The following HOXA3 variants were observed in gnomAD, a reference collection of about 807,000 sequenced individuals.
HOXA3 encodes the protein homeobox A3, also known as homeobox protein Hox-A3.
Under a neutral mutation model 30.3 loss-of-function variants are expected in HOXA3, and 8 were observed. The ratio of observed to expected loss-of-function variants is 0.26; its 90% confidence interval spans 0.15 to 0.48. HOXA3 has a LOEUF of 0.48. HOXA3 is among the 20% of genes least tolerant of loss of function. HOXA3 has a pLI of 0.99. For synonymous variants in HOXA3, 323 were observed against 273.1 expected (o/e 1.18, Z -1.80); for missense variants, 653 against 614.4 (o/e 1.06, Z -0.66).
chr7:27,152,344 C>A lies in HOXA3; in HGVS notation c.-550G>T, dbSNP rs760945917. On this transcript the variant is annotated 5_prime_UTR_variant, in exon 1 of 6. Coordinates refer to ENST00000612286, the MANE Select transcript of HOXA3 (RefSeq NM_153631.3). ...CCTCTGACAGCTGTCGCTTGGGCAG[C>A]CCGAGAGAAGAATTGTCCTCTTTCC... is the stretch of plus-strand genomic sequence containing the variant. 1 of 1,246,854 alleles carries A rather than the reference C, an allele frequency of 8.0e-7. No individual in the cohort carries two copies. Among genetic ancestry groups the A allele is most frequent in the Non-Finnish European group, 1.0e-6 (1 of 969,918 alleles). The allele number at this position is 1,246,854 out of a possible 1,614,324, so 77.2% of individuals were successfully genotyped here. A position where few individuals can be genotyped will look rare whatever the true frequency, so the allele number is the denominator to read the frequency against.
rs1331836651 is a variant in HOXA3 at position 27,126,952 on chromosome 7, G to A, written c.-271C>T. On this transcript the variant is annotated 5_prime_UTR_variant, in exon 3 of 6. Transcript: ENST00000612286. ...ACACTCAATTTCCACTGAGAGTCTAGGCATTTTTTTTTTTTAGCAGACAGC... is the reference window on the plus strand; with the variant it reads ...ACACTCAATTTCCACTGAGAGTCTAAGCATTTTTTTTTTTTAGCAGACAGC... 1 of 53,978 alleles carries A rather than the reference G, an allele frequency of 1.9e-5. No individual in the cohort carries two copies. Among genetic ancestry groups the A allele is most frequent in the Non-Finnish European group, 3.6e-5 (1 of 28,118 alleles). 3.3% of individuals were successfully genotyped at this position (53,978 alleles called of 1,614,324 possible). A position where few individuals can be genotyped will look rare whatever the true frequency, so the allele number is the denominator to read the frequency against.
In HOXA3 at chr7:27,108,215, C is replaced by T; in HGVS notation, c.1032G>A (p.Pro344=). Residue 344 remains proline, a synonymous_variant, in exon 6 of 6, where the codon CCG becomes CCA. Coordinates refer to ENST00000612286, the MANE Select transcript of HOXA3 (RefSeq NM_153631.3). This position sits in a 1 kb window ranked among gnomAD's most constrained non-coding sequence, Gnocchi z 5.0. Reference sequence around the variant, plus strand: ...CGTTGCCCTGCAGGCCATGAGCGTGCGGGTCATAGTCGGGGGTGCCCCCTG... The same window carrying T: ...CGTTGCCCTGCAGGCCATGAGCGTGTGGGTCATAGTCGGGGGTGCCCCCTG... ...AGAGGTPDYD[P]HAHGLQGNGS... The T allele has an allele frequency of 1.3e-6, 2 of 1,530,658 alleles. No homozygotes were observed. Among genetic ancestry groups the T allele is most frequent in the East Asian group, 2.3e-5 (1 of 43,966 alleles). 94.8% of individuals were successfully genotyped at this position (1,530,658 alleles called of 1,614,324 possible).
Position 27,110,730 on chromosome 7 carries a change from A to G in HOXA3, c.-90T>C. On this transcript the variant is annotated 5_prime_UTR_variant, in exon 5 of 6. Transcript: ENST00000612286. ...TGGCACGCCCCCGCGGTCACGTGAC[A>G]CTCCGCCGCCAATGGCCGCCCCGCG... is the stretch of plus-strand genomic sequence containing the variant. 1 of 1,566,206 alleles carries G rather than the reference A, an allele frequency of 6.4e-7. No individual in the cohort carries two copies. The highest frequency in any genetic ancestry group is 1.1e-5 in the South Asian group (1 of 88,396).
chr7:27,141,744 A>G, intron 1 of HOXA3: 3 of 1,491,604 alleles, frequency 2.0e-6, no homozygotes, highest in South Asian at 2.6e-5. Context: ...TTCTTCACAG[A>G]AGGAACACAA....
At chr7:27,141,920 A>G in intron 1 of HOXA3, 1 of 1,614,148 alleles carries the variant, frequency 6.2e-7, no homozygotes, top group Non-Finnish European at 8.5e-7. Flanking sequence ...CCGGTTTTGG[A>G]ACCAGATTTT....
chr7:27,147,370 C>T (rs1225676132), intron 1 of HOXA3: 1 of 1,614,216 alleles, frequency 6.2e-7, no homozygotes, highest in Non-Finnish European at 8.5e-7. Context: ...CCGGTCGGCG[C>T]CTTCGTCATG....
chr7:27,145,441 T>A (rs1562730630), intron 1 of HOXA3: 2 of 629,042 alleles, frequency 3.2e-6, no homozygotes, highest in South Asian at 4.1e-5. Context: ...ATTGGCTGTG[T>A]GTGAGGTTTT....
At chr7:27,122,313 C>T (rs1410960561) in intron 4 of HOXA3, 1 of 152,310 alleles carries the variant, frequency 6.6e-6, no homozygotes, top group East Asian at 1.9e-4. Flanking sequence ...CACAACCCAT[C>T]TTTGCCTTCT....
intron 1 of HOXA3, chr7:27,142,800 T>A (rs908327761): frequency 3.1e-5 from 14 of 452,710 alleles, no homozygotes; most frequent in African/African-American, 2.7e-4. Context: ...GGTTTTTTGC[T>A]TCCTCCCCCT....
At chr7:27,143,023 A>C in intron 1 of HOXA3, 1 of 1,497,232 alleles carries the variant, frequency 6.7e-7, no homozygotes, top group South Asian at 1.4e-5. Context: ...GGTCGCGTGG[A>C]TTTAGAAAAA....
chr7:27,143,553 A>T lies in HOXA3; in HGVS notation c.-493-3367T>A, dbSNP rs772948884. ...TGATCTCCATAATTATGCAACTGGT[A>T]GTCCGGGCCATTTGGATAGCGACCG... is the stretch of plus-strand genomic sequence containing the variant. On this transcript the variant is annotated intron_variant, in intron 1 of 5. Coordinates refer to ENST00000612286, the MANE Select transcript of HOXA3 (RefSeq NM_153631.3). 9 of 1,608,228 alleles carry T rather than the reference A, an allele frequency of 5.6e-6. No homozygotes were observed. The South Asian group carries it at 1.0e-4, about 18-fold the overall frequency.
At chr7:27,141,537 TC>T in intron 1 of HOXA3, 1 of 250,032 alleles carries the variant, frequency 4.0e-6, no homozygotes, top group Non-Finnish European at 7.6e-6. Flanking sequence ...TTTTTTTTTC[TC>T]TTTTCTTTTT....
At chr7:27,138,805 C>G (rs1235762321) in intron 2 of HOXA3, among the ~76,000 whole-genome samples, 1 of 152,186 alleles carries the variant, frequency 6.6e-6, no homozygotes, top group Non-Finnish European at 1.5e-5. Context: ...TGGGATCAAA[C>G]AGAAAGAGCA....
intron 2 of HOXA3, among the ~76,000 whole-genome samples, chr7:27,136,147 C>G (rs926628937): frequency 5.9e-5 from 9 of 152,208 alleles, no homozygotes; most frequent in African/African-American, 1.9e-4. Flanking sequence ...TGACCCTCAA[C>G]TTTTTGACCT....
chr7:27,146,977 A>G (rs11983200), intron 1 of HOXA3, among the ~76,000 whole-genome samples: 21,094 of 152,016 alleles, frequency 0.14, 1,716 homozygotes, highest in African/African-American at 0.21. Context: ...TGAGCAGGGT[A>G]CTCAGGGTGC....
At position 27,138,144 on chromosome 7, in the gene HOXA3, C is replaced by A. The variant is rs960740499; in HGVS notation, c.-390+1939G>T. Among the ~76,000 whole-genome samples the A allele has an allele frequency of 7.2e-5, 11 of 152,330 alleles. No homozygotes were observed. In the East Asian group the frequency reaches 7.7e-4, roughly 11 times the overall value. On this transcript the variant is annotated intron_variant, in intron 2 of 5. Transcript: ENST00000612286. Reference sequence around the variant, plus strand: ...ACCCATACCCATGTAGAGTTTATATCCTTGTTCCCACTAAGATGTGGACAC... The same window carrying A: ...ACCCATACCCATGTAGAGTTTATATACTTGTTCCCACTAAGATGTGGACAC...
intron 1 of HOXA3, chr7:27,145,770 C>G (rs1454642111): frequency 1.2e-6 from 2 of 1,614,226 alleles, no homozygotes; most frequent in Non-Finnish European, 1.7e-6. Flanking sequence ...CTTGATCTGG[C>G]GCTCGGTGAG....
At chr7:27,129,680 T>C in intron 2 of HOXA3, 2 of 1,191,206 alleles carry the variant, frequency 1.7e-6, no homozygotes. Flanking sequence ...GACATCATCA[T>C]TATATAATAA....
intron 1 of HOXA3, among the ~76,000 whole-genome samples, chr7:27,144,748 CA>C (rs1412192763): frequency 6.6e-6 from 1 of 152,196 alleles, no homozygotes; most frequent in East Asian, 1.9e-4. Context: ...AGTTATTTTC[CA>C]CGGCTCCGAA....
Sources: allele counts gnomAD v4.1 joint callset (sites outside exome capture counted in the v4.1 genomes callset), GRCh38; gene constraint gnomAD v4.1.1; non-coding constraint Gnocchi (gnomAD v3.1); transcripts MANE v1.5; gene names NCBI Gene and HGNC (gene_info 2026-07-23, HGNC 2026-07-21).